Variants in PDE7B observed in about 807,000 individuals in gnomAD.
PDE7B encodes 3',5'-cyclic-AMP phosphodiesterase 7B.
Under a neutral mutation model 56.2 loss-of-function variants are expected in PDE7B, and 29 were observed. That is an observed-to-expected ratio of 0.52 (90% CI 0.38 to 0.70). The LOEUF is 0.70. Among genes scored for constraint, PDE7B ranks in the 30% least tolerant of loss-of-function variants. The probability of loss-of-function intolerance (pLI) is 0.00; values close to 1 mark genes in which losing one functional copy is unlikely to be tolerated. For missense variants in PDE7B, 490 were observed against 565.0 expected (o/e 0.87, Z 1.35); for synonymous variants, 197 against 196.9 (o/e 1.00, Z 0.00).
chr6:135,867,754 T>C (rs1775291565), intron 1 of PDE7B, among the ~76,000 whole-genome samples: 1 of 152,250 alleles, frequency 6.6e-6, no homozygotes, highest in African/African-American at 2.4e-5. Flanking sequence ...TTTAATGTGT[T>C]ACTCCATGAA....
chr6:136,038,214 A>ACAGCAGCAGCAGCAACAG lies in PDE7B; in HGVS notation c.83-70502_83-70485dup. ...AGCAGCAGCAGCAGCAGAAGCAGAA[A>ACAGCAGCAGCAGCAACAG]CAGCAGCAGCAGCAACAGCAGCAGC... On this transcript the variant is annotated intron_variant, in intron 2 of 12. Coordinates refer to ENST00000308191, the MANE Select transcript of PDE7B (RefSeq NM_018945.4). 3 of 1,299,238 alleles carry ACAGCAGCAGCAGCAACAG rather than the reference A, an allele frequency of 2.3e-6. 1 individual carries two copies. The highest frequency in any genetic ancestry group is 3.0e-6 in the Non-Finnish European group (3 of 991,230). 80.5% of individuals were successfully genotyped at this position (1,299,238 alleles called of 1,614,324 possible).
chr6:136,101,284 G>T (rs1176523438), intron 2 of PDE7B, among the ~76,000 whole-genome samples: 2 of 152,202 alleles, frequency 1.3e-5, no homozygotes, highest in African/African-American at 4.8e-5. Context: ...CTCATAAAAT[G>T]AGTTAGAGAG....
intron 1 of PDE7B, among the ~76,000 whole-genome samples, chr6:135,940,005 G>T (rs577596468): frequency 3.3e-5 from 5 of 152,168 alleles, no homozygotes; most frequent in Admixed American, 6.5e-5. Context: ...CTGGTTCTTC[G>T]AAAGCAAACC....
At chr6:135,968,321 T>C (rs1322191222) in intron 2 of PDE7B, among the ~76,000 whole-genome samples, 2 of 151,858 alleles carry the variant, frequency 1.3e-5, no homozygotes, top group East Asian at 3.9e-4. Context: ...CCTAATTAAA[T>C]GAAAGAGCTT....
intron 2 of PDE7B, among the ~76,000 whole-genome samples, chr6:136,102,587 AG>A (rs1196762936): frequency 2.6e-5 from 4 of 152,208 alleles, no homozygotes; most frequent in African/African-American, 7.2e-5. Flanking sequence ...CTTTATAAAA[AG>A]ACATGTCTTT....
chr6:136,114,339 AT>A (rs1180255222), intron 3 of PDE7B, among the ~76,000 whole-genome samples: 2 of 152,128 alleles, frequency 1.3e-5, no homozygotes, highest in African/African-American at 4.8e-5. Flanking sequence ...AGACTCAAAT[AT>A]TTTTTTAAAG....
chr6:135,857,025 C>G (rs1413707850), intron 1 of PDE7B, among the ~76,000 whole-genome samples: 1 of 16,718 alleles, frequency 6.0e-5, no homozygotes, highest in African/African-American at 1.0e-4. Context: ...TACTCCTTTT[C>G]CTCCCTCCCT....
Position 136,195,293 on chromosome 6 carries a change from C to T in PDE7B, c.*3453C>T, listed in dbSNP as rs1330811603. On this transcript the variant is annotated 3_prime_UTR_variant, in exon 13 of 13. Transcript: ENST00000308191. ...CAACTTTGTCTTCAGATAGTGCTTCCTACAAAACTAGGTCTTGTTTTGTAA... is the reference window on the plus strand; with the variant it reads ...CAACTTTGTCTTCAGATAGTGCTTCTTACAAAACTAGGTCTTGTTTTGTAA... 6.6e-6 allele frequency: 1 copy of T among 152,034 alleles called. No individual in the cohort carries two copies. Among genetic ancestry groups the T allele is most frequent in the Non-Finnish European group, 1.5e-5 (1 of 67,984 alleles). 9.4% of individuals were successfully genotyped at this position (152,034 alleles called of 1,614,324 possible).
chr6:135,855,828 G>T (rs1020539089), intron 1 of PDE7B, among the ~76,000 whole-genome samples: 1 of 152,130 alleles, frequency 6.6e-6, no homozygotes, highest in African/African-American at 2.4e-5. Flanking sequence ...TTGAACACTG[G>T]CGCAAGGTGG....
At chr6:136,038,185 T>TAGC (rs150803314) in intron 2 of PDE7B, 70,602 of 1,285,640 alleles carry the variant, frequency 0.055, 2,476 homozygotes, top group East Asian at 0.19. Flanking sequence ...TCCCCTGTGG[T>TAGC]AGCAGCAGCA....
rs749077663 is a variant in PDE7B at position 136,191,789 on chromosome 6, C to T, written c.1302C>T (p.Asp434=). The T allele has an allele frequency of 6.4e-7, 1 of 1,568,144 alleles. No homozygotes were observed. The highest frequency in any genetic ancestry group is 2.4e-5 in the East Asian group (1 of 41,740). The change falls in exon 13 of 13, where the codon GAC becomes GAT. Residue 434 remains aspartate (D), a synonymous_variant. Coordinates refer to ENST00000308191, the MANE Select transcript of PDE7B (RefSeq NM_018945.4). ...GCAGTGGCAGCGGGCCTGACCACGA[C>T]CACGCAGGCCAAGGGACTGAGAGCG... is the stretch of plus-strand genomic sequence containing the variant. ...RGSSGSGPDH[D]HAGQGTESEE...
At chr6:136,084,143 C>A (rs930366538) in intron 2 of PDE7B, among the ~76,000 whole-genome samples, 2 of 152,260 alleles carry the variant, frequency 1.3e-5, no homozygotes, top group East Asian at 3.9e-4. Flanking sequence ...CAATCCCTAA[C>A]TCTCCAAATT....
intron 2 of PDE7B, among the ~76,000 whole-genome samples, chr6:136,022,773 G>A (rs1395162430): frequency 6.6e-6 from 1 of 152,230 alleles, no homozygotes; most frequent in South Asian, 2.1e-4. Context: ...TACAGCAGCT[G>A]TTTGTGTCTG....
intron 2 of PDE7B, among the ~76,000 whole-genome samples, chr6:135,988,665 A>C (rs1295446406): frequency 1.3e-5 from 2 of 152,210 alleles, no homozygotes; most frequent in Non-Finnish European, 2.9e-5. Context: ...GAAGCATTCA[A>C]AGGAAATGGA....
At chr6:136,011,865 A>G (rs1775900384) in intron 2 of PDE7B, among the ~76,000 whole-genome samples, 1 of 152,080 alleles carries the variant, frequency 6.6e-6, no homozygotes, top group Non-Finnish European at 1.5e-5. Flanking sequence ...TATAAGTTTT[A>G]TTGGATTTGG....
intron 1 of PDE7B, among the ~76,000 whole-genome samples, chr6:135,889,860 C>T (rs1775779568): frequency 6.9e-6 from 1 of 145,316 alleles, no homozygotes; most frequent in Non-Finnish European, 1.5e-5. Context: ...TCAAGCGATT[C>T]TCCTGCCTCA....
rs1188263360 is a variant in PDE7B at position 135,947,663 on chromosome 6, C to T, written c.82+139C>T. ...TTTGTGGTTATGCAGACAGCTATAA[C>T]ACATTTATATGTGTAACACTTGATG... On this transcript the variant is annotated intron_variant, in intron 2 of 12. Coordinates refer to ENST00000308191, the MANE Select transcript of PDE7B (RefSeq NM_018945.4). 55 of 656,684 alleles carry T rather than the reference C, an allele frequency of 8.4e-5. 1 individual carries two copies. In the East Asian group the frequency reaches 1.4e-3, roughly 17 times the overall value. The allele number at this position is 656,684 out of a possible 1,614,324, so 40.7% of individuals were successfully genotyped here.
intron 2 of PDE7B, among the ~76,000 whole-genome samples, chr6:136,043,488 C>T (rs1248619556): frequency 2.7e-5 from 4 of 149,016 alleles, no homozygotes; most frequent in South Asian, 2.1e-4. Flanking sequence ...CTTCACCTCT[C>T]GGTGCCTCAG....
At chr6:135,975,111 C>A (rs145098529) in intron 2 of PDE7B, among the ~76,000 whole-genome samples, 4 of 152,062 alleles carry the variant, frequency 2.6e-5, no homozygotes, top group African/African-American at 9.6e-5. Flanking sequence ...TGAGGGAATG[C>A]AGGCTCTGTG....
Sources: allele counts gnomAD v4.1 joint callset (sites outside exome capture counted in the v4.1 genomes callset), GRCh38; gene constraint gnomAD v4.1.1; transcripts MANE v1.5; gene names NCBI Gene and HGNC (gene_info 2026-07-23, HGNC 2026-07-21).